CCNJL: variants seen among roughly 807,000 people sequenced by gnomAD.
CCNJL encodes the protein cyclin-J-like protein.
Under a neutral mutation model 33.4 loss-of-function variants are expected in CCNJL, and 33 were observed. That is an observed-to-expected ratio of 0.99 (90% CI 0.75 to 1.32). The LOEUF is 1.32. Ranked by LOEUF, CCNJL falls within the 40% of genes most tolerant of loss-of-function variation. CCNJL has a pLI of 0.00. For synonymous variants in CCNJL, 227 were observed against 220.9 expected, an observed-to-expected ratio of 1.03 and a Z score of -0.24; for missense variants, 512 against 499.7, an observed-to-expected ratio of 1.02 and a Z score of -0.23.
chr5:160,271,834 A>G (rs1032584262), intron 3 of CCNJL, among the ~76,000 whole-genome samples: 11 of 152,384 alleles, frequency 7.2e-5, no homozygotes, highest in South Asian at 2.1e-4. Context: ...AGGCTCAAGC[A>G]TTTCAAATGC....
At chr5:160,322,923 A>T (rs966672348) in intron 1 of CCNJL, among the ~76,000 whole-genome samples, 52 of 135,642 alleles carry the variant, frequency 3.8e-4, no homozygotes, top group African/African-American at 4.9e-4. Flanking sequence ...AAAAAAAATT[A>T]AAAAAAAAAA....
intron 2 of CCNJL, among the ~76,000 whole-genome samples, chr5:160,282,968 T>C (rs182967672): frequency 3.9e-4 from 10 of 25,864 alleles, no homozygotes; most frequent in African/African-American, 1.4e-3. Flanking sequence ...GTCCTTGGAA[T>C]ATATATATAT....
intron 2 of CCNJL, among the ~76,000 whole-genome samples, chr5:160,297,957 G>A (rs1034436117): frequency 6.6e-6 from 1 of 152,140 alleles, no homozygotes; most frequent in African/African-American, 2.4e-5. Context: ...TGGCTGCCCA[G>A]GGTGTCAGCT....
chr5:160,257,367 C>G (rs371374903), intron 4 of CCNJL, among the ~76,000 whole-genome samples: 17 of 150,572 alleles, frequency 1.1e-4, no homozygotes, highest in East Asian at 4.0e-4. Context: ...CCCAGCTACT[C>G]GGGAGGCTGA....
At chr5:160,274,467 AAAC>A (rs1012883196) in intron 3 of CCNJL, among the ~76,000 whole-genome samples, 2 of 152,156 alleles carry the variant, frequency 1.3e-5, no homozygotes, top group Non-Finnish European at 2.9e-5. Context: ...TCAAAAAAAA[AAAC>A]AATCTGTAGT....
chr5:160,268,369 C>G (rs1341572487), intron 3 of CCNJL, among the ~76,000 whole-genome samples: 1 of 152,226 alleles, frequency 6.6e-6, no homozygotes, highest in Non-Finnish European at 1.5e-5. Context: ...GTCACAACTT[C>G]TTGGACCTGT....
upstream of CCNJL, among the ~76,000 whole-genome samples, chr5:160,314,241 A>G (rs912151331): frequency 1.3e-5 from 2 of 152,246 alleles, no homozygotes; most frequent in African/African-American, 4.8e-5. Flanking sequence ...TTGCAACACT[A>G]TAGTTAAAAC....
At chr5:160,312,182 A>G (rs1763287221) in intron 1 of CCNJL, among the ~76,000 whole-genome samples, 182 bp downstream of exon 1, 1 of 152,204 alleles carries the variant, frequency 6.6e-6, no homozygotes, top group African/African-American at 2.4e-5. Context: ...GAGCTGTGCA[A>G]CAACTTGCAG....
intron 3 of CCNJL, among the ~76,000 whole-genome samples, chr5:160,267,788 C>CTGGGCTCAAGTGATCTTCCTGCT (rs1761668320): frequency 1.3e-5 from 2 of 152,182 alleles, no homozygotes; most frequent in Non-Finnish European, 2.9e-5. Context: ...TCTTGAACTC[C>CTGGGCTCAAGTGATCTTCCTGCT]TGGGCTCAAG....
At chr5:160,323,190 G>A (rs920598650) in intron 1 of CCNJL, among the ~76,000 whole-genome samples, 7 of 150,814 alleles carry the variant, frequency 4.6e-5, no homozygotes, top group East Asian at 1.9e-4. Context: ...AGCTGAGATC[G>A]TGACACTGCA....
chr5:160,258,418 T>C lies in CCNJL; in HGVS notation c.583+1051A>G, dbSNP rs1041197928. ...CATAAGAAGGCTTCCTGAGAACCTT[T>C]ATAATGACAGGATGTTTCACATGAA... On this transcript the variant is annotated intron_variant, in intron 4 of 5. Coordinates refer to ENST00000257536, the MANE Select transcript of CCNJL (RefSeq NM_001308173.3). 2.7e-5 allele frequency: 24 copies of C among 898,440 alleles called. No individual in the cohort carries two copies. In the African/African-American group the frequency reaches 3.8e-4, roughly 14 times the overall value. The allele number at this position is 898,440 out of a possible 1,614,324, so 55.7% of individuals were successfully genotyped here. A position where few individuals can be genotyped will look rare whatever the true frequency, so the allele number is the denominator to read the frequency against.
chr5:160,296,042 A>G (rs1009548328), intron 2 of CCNJL, among the ~76,000 whole-genome samples: 2 of 152,186 alleles, frequency 1.3e-5, no homozygotes, highest in Non-Finnish European at 2.9e-5. Flanking sequence ...TGTGTACACA[A>G]TTTTTGTTCA....
At chr5:160,274,052 G>A (rs1246286639) in intron 3 of CCNJL, among the ~76,000 whole-genome samples, 1 of 152,180 alleles carries the variant, frequency 6.6e-6, no homozygotes, top group African/African-American at 2.4e-5. Flanking sequence ...AAATACACCA[G>A]ATCAAATTCA....
chr5:160,284,829 A>G (rs543376902), intron 2 of CCNJL, among the ~76,000 whole-genome samples: 31 of 152,384 alleles, frequency 2.0e-4, no homozygotes, highest in African/African-American at 6.7e-4. Flanking sequence ...TCTAACTAGC[A>G]AAAGATCTTA....
At chr5:160,310,942 G>T (rs567954288) in intron 2 of CCNJL, among the ~76,000 whole-genome samples, 4 of 152,318 alleles carry the variant, frequency 2.6e-5, no homozygotes, top group African/African-American at 9.6e-5. Context: ...AGCTTCCAGA[G>T]CTGAAATAAA....
At chr5:160,329,353 T>C (rs904899475) in intron 1 of CCNJL, among the ~76,000 whole-genome samples, 26 of 148,858 alleles carry the variant, frequency 1.7e-4, no homozygotes, top group Admixed American at 5.3e-4. Context: ...AAGTCTTCTT[T>C]TTTTTTTTTT....
intron 1 of CCNJL, among the ~76,000 whole-genome samples, chr5:160,320,795 T>TTC (rs1763432744): frequency 2.3e-5 from 1 of 43,876 alleles, no homozygotes; most frequent in African/African-American, 6.9e-5. Context: ...TTTCCTTTCT[T>TTC]TCTTTCTTTC....
chr5:160,298,770 G>A (rs149423384), intron 2 of CCNJL, among the ~76,000 whole-genome samples: 3 of 152,120 alleles, frequency 2.0e-5, no homozygotes, highest in Non-Finnish European at 2.9e-5. Context: ...CAACATTAGC[G>A]AAGTGTATAA....
chr5:160,335,727 A>G (rs937770461), intron 1 of CCNJL, among the ~76,000 whole-genome samples: 1 of 148,438 alleles, frequency 6.7e-6, no homozygotes, highest in Admixed American at 6.8e-5. Context: ...AAATGCCATC[A>G]TGTCTAATTT....
Sources: allele counts gnomAD v4.1 joint callset (sites outside exome capture counted in the v4.1 genomes callset), GRCh38; gene constraint gnomAD v4.1.1; transcripts MANE v1.5; gene names NCBI Gene and HGNC (gene_info 2026-07-23, HGNC 2026-07-21).